AGAP1: variants seen among roughly 807,000 people sequenced by gnomAD.
AGAP1 encodes arf-GAP with GTPase, ANK repeat and PH domain-containing protein 1.
A neutral mutation model predicts 105.3 loss-of-function variants in AGAP1; 29 were observed. That is an observed-to-expected ratio of 0.28 (90% CI 0.21 to 0.38). The LOEUF is 0.38. AGAP1 is among the 10% of genes least tolerant of loss of function. The pLI, the probability that AGAP1 is intolerant of heterozygous loss-of-function variation, is 1.00. For missense variants in AGAP1, 998 were observed against 1,165.1 expected (o/e 0.86, Z 2.09); for synonymous variants, 509 against 485.9 (o/e 1.05, Z -0.63).
In AGAP1 at chr2:236,123,389, A is replaced by G. The variant is rs2059945779; in HGVS notation, c.2371-530A>G. On this transcript the variant is annotated intron_variant, in intron 17 of 17. Coordinates refer to ENST00000304032, the MANE Select transcript of AGAP1 (RefSeq NM_001037131.3). This position sits in a 1 kb window ranked among gnomAD's most constrained non-coding sequence, Gnocchi z 4.6. ...TGATGTAAGAAAATGATCACAGTAT[A>G]GTAATCAATAAAAAATGAAAAAAAT... Among the ~76,000 whole-genome samples the G allele has an allele frequency of 1.3e-5, 2 of 152,186 alleles. No homozygotes were observed. The highest frequency in any genetic ancestry group is 1.3e-4 in the Admixed American group (2 of 15,280).
At chr2:235,647,088 A>G (rs1207166446) in intron 1 of AGAP1, among the ~76,000 whole-genome samples, 1 of 150,506 alleles carries the variant, frequency 6.6e-6, no homozygotes, top group Admixed American at 6.6e-5. Context: ...GTGAACCGAG[A>G]TTGCGCCACT....
intron 1 of AGAP1, among the ~76,000 whole-genome samples, chr2:235,568,985 C>T (rs1391252052): frequency 1.3e-5 from 2 of 152,178 alleles, no homozygotes; most frequent in African/African-American, 4.8e-5. Context: ...CACCTCAATG[C>T]CATTAATTTA....
At position 235,545,135 on chromosome 2, in the gene AGAP1, T is replaced by C. The variant is rs141657741; in HGVS notation, c.163+50286T>C. Among the ~76,000 whole-genome samples, 228 of 152,306 alleles carry C rather than the reference T, an allele frequency of 1.5e-3. 1 individual carries two copies. Among genetic ancestry groups the C allele is most frequent in the African/African-American group, 4.9e-3 (204 of 41,566 alleles). ...CGGAAATATGACTCCATGTGGTCCATGATATGGGCACCTTACAAGTTATTC... is the reference window on the plus strand; with the variant it reads ...CGGAAATATGACTCCATGTGGTCCACGATATGGGCACCTTACAAGTTATTC... On this transcript the variant is annotated intron_variant, in intron 1 of 17. Transcript: ENST00000304032.
chr2:235,711,829 G>A (rs1028043907), intron 2 of AGAP1, among the ~76,000 whole-genome samples: 1 of 152,182 alleles, frequency 6.6e-6, no homozygotes, highest in African/African-American at 2.4e-5. Context: ...CCCAGGACAG[G>A]TGGCACTTTA....
At chr2:235,972,117 C>A (rs1321034741) in intron 13 of AGAP1, among the ~76,000 whole-genome samples, 7 of 152,152 alleles carry the variant, frequency 4.6e-5, no homozygotes, top group African/African-American at 1.7e-4. Context: ...TTATAAAAAA[C>A]CATTTCTGCC....
chr2:235,756,592 G>GT (rs1953945366), intron 6 of AGAP1, among the ~76,000 whole-genome samples: 1 of 152,140 alleles, frequency 6.6e-6, no homozygotes, highest in Non-Finnish European at 1.5e-5. Flanking sequence ...CCACAGTGTG[G>GT]TTTTATGCAT....
chr2:235,507,697 G>T (rs1184827272), intron 1 of AGAP1: 1 of 152,188 alleles, frequency 6.6e-6, no homozygotes, highest in Non-Finnish European at 1.5e-5. Context: ...GGAGCCTGCA[G>T]CCTGGAGAGT....
chr2:235,994,624 A>G lies in AGAP1; in HGVS notation c.1645+26001A>G. Among the ~76,000 whole-genome samples the G allele has an allele frequency of 6.6e-6, 1 of 152,084 alleles. No homozygotes were observed. Among genetic ancestry groups the G allele is most frequent in the South Asian group, 2.1e-4 (1 of 4,808 alleles). On this transcript the variant is annotated intron_variant, in intron 13 of 17. Transcript: ENST00000304032. This position sits in a 1 kb window ranked among gnomAD's most constrained non-coding sequence, Gnocchi z 4.4. ...GTCTTATTCAGTCCCGACTTTCCCA[A>G]CGCCTCGCAGCCCGATGATACAGAG...
Position 235,729,403 on chromosome 2 carries a change from C to G in AGAP1, c.311-11560C>G, listed in dbSNP as rs1302537069. On this transcript the variant is annotated intron_variant, in intron 3 of 17. Coordinates refer to ENST00000304032, the MANE Select transcript of AGAP1 (RefSeq NM_001037131.3). This position sits in a 1 kb window ranked among gnomAD's most constrained non-coding sequence, Gnocchi z 5.0. ...CAGATGCAGCTCGTTCCAAGATGTT[C>G]CAGAGGCAGGAGGTTCCTGGAAGAA... 6.6e-6 allele frequency among the ~76,000 whole-genome samples: 1 copy of G among 152,124 alleles called. No homozygotes were observed. Among genetic ancestry groups the G allele is most frequent in the East Asian group, 1.9e-4 (1 of 5,186 alleles).
intron 1 of AGAP1, among the ~76,000 whole-genome samples, chr2:235,542,663 A>T (rs929821922): frequency 6.6e-6 from 1 of 152,208 alleles, no homozygotes; most frequent in Non-Finnish European, 1.5e-5. Flanking sequence ...TGTTCTGAGA[A>T]TTGTTTGCAA....
intron 16 of AGAP1, among the ~76,000 whole-genome samples, chr2:236,093,391 C>T (rs965418932): frequency 6.6e-6 from 1 of 152,192 alleles, no homozygotes; most frequent in East Asian, 1.9e-4. Context: ...CAGACAGACT[C>T]GGTAGTGGAA....
chr2:235,916,996 CTT>C (rs943963364), intron 11 of AGAP1, among the ~76,000 whole-genome samples: 8 of 152,140 alleles, frequency 5.3e-5, no homozygotes, highest in African/African-American at 1.4e-4. Context: ...CCTGTGGTCA[CTT>C]TATTCTGTAA....
chr2:235,799,523 G>C lies in AGAP1; in HGVS notation c.957+1G>C. The C allele has an allele frequency of 6.2e-7, 1 of 1,613,642 alleles. No individual in the cohort carries two copies. Among genetic ancestry groups the C allele is most frequent in the Non-Finnish European group, 8.5e-7 (1 of 1,179,650 alleles). On this transcript the variant is annotated splice_donor_variant, in intron 8 of 17. Transcript: ENST00000304032. LOFTEE classifies it high-confidence loss of function. The surrounding 1 kb of genome is among the most constrained non-coding windows in gnomAD (Gnocchi z 5.0). ...TAAGCGCCGGTCCAACCTGTTCACC[G>C]TGAGTGTCAACCCTGGGTGGAGATT...
intron 12 of AGAP1, among the ~76,000 whole-genome samples, chr2:235,933,661 T>C (rs1187436167): frequency 1.3e-5 from 2 of 151,594 alleles, no homozygotes; most frequent in Non-Finnish European, 2.9e-5. Flanking sequence ...GGCTCCCGAG[T>C]AGCTGGGACT....
chr2:236,081,716 TTC>T (rs2058789918), intron 16 of AGAP1, among the ~76,000 whole-genome samples: 1 of 152,140 alleles, frequency 6.6e-6, no homozygotes, highest in Non-Finnish European at 1.5e-5. Context: ...AATACTTTTT[TTC>T]TTTTAAGTAG....
intron 1 of AGAP1, among the ~76,000 whole-genome samples, chr2:235,528,851 A>AT (rs1468722549): frequency 7.2e-6 from 1 of 138,474 alleles, no homozygotes; most frequent in African/African-American, 2.8e-5. Flanking sequence ...CTAATCTTGT[A>AT]TTTTTAGTAC....
At chr2:235,746,616 G>A (rs1307486578) in intron 5 of AGAP1, among the ~76,000 whole-genome samples, 2 of 151,940 alleles carry the variant, frequency 1.3e-5, no homozygotes, top group East Asian at 1.9e-4. Context: ...ATGCCTAATC[G>A]TGTTTTAAAG....
chr2:235,559,959 T>A lies in AGAP1; in HGVS notation c.163+65110T>A, dbSNP rs1305523710. On this transcript the variant is annotated intron_variant, in intron 1 of 17. Transcript: ENST00000304032. This position sits in a 1 kb window ranked among gnomAD's most constrained non-coding sequence, Gnocchi z 5.7. ...GGTTTGTCCATTAATGTTCTTGATATTCTTTGAGGTACTAAAGCTTTTAAT... is the reference window on the plus strand; with the variant it reads ...GGTTTGTCCATTAATGTTCTTGATAATCTTTGAGGTACTAAAGCTTTTAAT... Among the ~76,000 whole-genome samples, 1 of 152,188 alleles carries A rather than the reference T, an allele frequency of 6.6e-6. No homozygotes were observed. The highest frequency in any genetic ancestry group is 2.4e-5 in the African/African-American group (1 of 41,464).
rs1037542120 is a variant in AGAP1 at position 236,049,278 on chromosome 2, C to T, written c.2111C>T (p.Thr704Ile). The T allele has an allele frequency of 2.5e-6, 4 of 1,612,508 alleles. No homozygotes were observed. Among genetic ancestry groups the T allele is most frequent in the South Asian group, 1.1e-5 (1 of 91,010 alleles). The change falls in exon 16 of 18, where the codon ACA becomes ATA. Residue 704 changes from threonine (T) to isoleucine (I), a missense_variant. Coordinates refer to ENST00000304032, the MANE Select transcript of AGAP1 (RefSeq NM_001037131.3). ...QGRTKPSVDS[T>I]REEKERWIRA... is the part of the protein sequence containing the mutation. ...CGGACGAAACCATCGGTAGACTCCA[C>T]AAGGTAGGAACTTTGGAAGATGCCT... is the stretch of plus-strand genomic sequence containing the variant.
Sources: allele counts gnomAD v4.1 joint callset (sites outside exome capture counted in the v4.1 genomes callset), GRCh38; gene constraint gnomAD v4.1.1; non-coding constraint Gnocchi (gnomAD v3.1); transcripts MANE v1.5; gene names NCBI Gene and HGNC (gene_info 2026-07-23, HGNC 2026-07-21).